The following TMEM217B variants were observed in gnomAD, a reference collection of about 807,000 sequenced individuals.
TMEM217B encodes the protein putative transmembrane protein 217B.
At chr6:37,242,471 ACT>A in the TMEM217B span, among the ~76,000 whole-genome samples, 1 of 152,132 alleles carries the variant, frequency 6.6e-6, no homozygotes, top group African/African-American at 2.4e-5. Context: ...AAGTTCTTTA[ACT>A]CTCTGAGTGG....
the TMEM217B span, among the ~76,000 whole-genome samples, chr6:37,256,643 G>T: frequency 8.6e-5 from 13 of 151,538 alleles, no homozygotes; most frequent in South Asian, 4.2e-4. Context: ...ACCGTCGTTG[G>T]AGGACATATA....
the TMEM217B span, among the ~76,000 whole-genome samples, chr6:37,247,604 T>C: frequency 4.6e-5 from 7 of 152,244 alleles, no homozygotes; most frequent in South Asian, 1.5e-3. Context: ...GCCAGGATGG[T>C]CTCGATCTCC....
At chr6:37,256,410 T>C in the TMEM217B span, among the ~76,000 whole-genome samples, 2 of 152,196 alleles carry the variant, frequency 1.3e-5, no homozygotes, top group Non-Finnish European at 2.9e-5. Context: ...TAGTGTGCAG[T>C]GCTGGTCACT....
At chr6:37,247,392 T>C in the TMEM217B span, among the ~76,000 whole-genome samples, 2 of 145,324 alleles carry the variant, frequency 1.4e-5, no homozygotes, top group East Asian at 3.9e-4. Flanking sequence ...TTTTTTACTT[T>C]TTTTTTTTTT....
At chr6:37,238,401 A>C in the TMEM217B span, among the ~76,000 whole-genome samples, 1 of 152,208 alleles carries the variant, frequency 6.6e-6, no homozygotes, top group Non-Finnish European at 1.5e-5. Flanking sequence ...AGACACCGTT[A>C]GCTTCCTTCC....
chr6:37,256,600 C>A, the TMEM217B span, among the ~76,000 whole-genome samples: 1 of 152,070 alleles, frequency 6.6e-6, no homozygotes, highest in South Asian at 2.1e-4. Flanking sequence ...AATTAGGGGA[C>A]AAAAGAAGCT....
At chr6:37,239,779 C>T in the TMEM217B span, among the ~76,000 whole-genome samples, 1 of 151,738 alleles carries the variant, frequency 6.6e-6, no homozygotes, top group Admixed American at 6.6e-5. Context: ...CATTATAAAG[C>T]TTTAGAGCCT....
the TMEM217B span, among the ~76,000 whole-genome samples, chr6:37,216,796 A>G: frequency 3.9e-5 from 6 of 152,292 alleles, no homozygotes; most frequent in African/African-American, 1.4e-4. Flanking sequence ...CATGAATGGA[A>G]TAAGTGACCT....
At chr6:37,218,385 C>T in the TMEM217B span, 3 of 1,469,394 alleles carry the variant, frequency 2.0e-6, no homozygotes, top group African/African-American at 1.4e-5. Flanking sequence ...CTGCCAAGGC[C>T]AGGCTGGTCT....
chr6:37,240,563 A>T, the TMEM217B span, among the ~76,000 whole-genome samples: 2 of 152,180 alleles, frequency 1.3e-5, no homozygotes, highest in Non-Finnish European at 2.9e-5. Context: ...GATATCCATC[A>T]CTTCAGCTAT....
chr6:37,223,720 G>T, the TMEM217B span, among the ~76,000 whole-genome samples: 1 of 152,068 alleles, frequency 6.6e-6, no homozygotes, highest in Non-Finnish European at 1.5e-5. Flanking sequence ...TGTTGGTCAG[G>T]CTGCTCTCAA....
chr6:37,217,788 G>T, the TMEM217B span: 51 of 985,272 alleles, frequency 5.2e-5, no homozygotes, highest in Non-Finnish European at 6.1e-5. Flanking sequence ...TTATCCCAGG[G>T]TTAAATTAAA....
chr6:37,229,569 C>G, the TMEM217B span, among the ~76,000 whole-genome samples: 2 of 152,006 alleles, frequency 1.3e-5, no homozygotes, highest in South Asian at 2.1e-4. Context: ...GTCTCGATCT[C>G]CTGACCTCGT....
At chr6:37,247,481 G>A in the TMEM217B span, among the ~76,000 whole-genome samples, 4 of 151,462 alleles carry the variant, frequency 2.6e-5, no homozygotes, top group Non-Finnish European at 4.4e-5. Flanking sequence ...TCTGCCTCCC[G>A]GGTTAAAGCA....
chr6:37,219,039 C>A, the TMEM217B span: 2 of 1,608,974 alleles, frequency 1.2e-6, no homozygotes, highest in Non-Finnish European at 1.7e-6. Flanking sequence ...ATGCTGAGAC[C>A]TCCTGTGAAG....
the TMEM217B span, among the ~76,000 whole-genome samples, chr6:37,255,498 C>T: frequency 2.6e-5 from 4 of 152,032 alleles, no homozygotes; most frequent in African/African-American, 9.7e-5. Flanking sequence ...GCCTGGGCAA[C>T]ATGGTGAAAC....
At chr6:37,257,721 C>A in the TMEM217B span, 2 of 581,828 alleles carry the variant, frequency 3.4e-6, no homozygotes, top group Non-Finnish European at 5.9e-6. Context: ...TCGGCCCGTC[C>A]ACGGCTTGCG....
the TMEM217B span, among the ~76,000 whole-genome samples, chr6:37,243,125 A>G: frequency 6.6e-6 from 1 of 152,186 alleles, no homozygotes; most frequent in Non-Finnish European, 1.5e-5. Context: ...AGCCCCCTTA[A>G]AAAAGAATAT....
the TMEM217B span, among the ~76,000 whole-genome samples, chr6:37,224,929 A>G: frequency 6.6e-6 from 1 of 152,078 alleles, no homozygotes; most frequent in African/African-American, 2.4e-5. Flanking sequence ...CTGTAATCCC[A>G]GCACTTTGGG....
Sources: gnomAD v4.1 joint callset for allele counts (sites outside exome capture counted in the v4.1 genomes callset) on GRCh38, gnomAD v4.1.1 for gene constraint, MANE v1.5 for transcripts, NCBI Gene and HGNC (gene_info 2026-07-23, HGNC 2026-07-21) for gene names.